The following BOD1L1 variants were observed in gnomAD, a reference collection of about 807,000 sequenced individuals.
The protein encoded by BOD1L1 is biorientation of chromosomes in cell division protein 1-like 1.
Under a neutral mutation model 240.7 loss-of-function variants are expected in BOD1L1, and 86 were observed. The observed-to-expected ratio is 0.36, with a 90% CI of 0.30 to 0.43. BOD1L1 has a LOEUF of 0.43. Ranked by LOEUF, BOD1L1 falls within the 20% of genes least tolerant of loss-of-function variation. The pLI is 1.00. For synonymous variants in BOD1L1, 1,268 were observed against 1,272.3 expected (o/e 1.00, Z 0.07); for missense variants, 3,554 against 3,643.5 (o/e 0.98, Z 0.63).
chr4:13,576,697 T>G (rs1487835096), intron 25 of BOD1L1, 141 bp downstream of exon 25: 1 of 1,148,690 alleles, frequency 8.7e-7, no homozygotes, highest in Non-Finnish European at 1.2e-6. Context: ...ATGTGCCCAC[T>G]GCTAACAATA....
chr4:13,615,837 C>T (rs1017098622), intron 2 of BOD1L1, among the ~76,000 whole-genome samples: 1 of 152,148 alleles, frequency 6.6e-6, no homozygotes, highest in Non-Finnish European at 1.5e-5. Flanking sequence ...CTACTCTGCT[C>T]ATGGCATATA....
rs1006801617 is a variant in BOD1L1, at chr4:13,610,920, C to T, written c.1491+14G>A. 1.3e-6 allele frequency: 2 copies of T among 1,584,446 alleles called. No homozygotes were observed. The highest frequency in any genetic ancestry group is 8.6e-7 in the Non-Finnish European group (1 of 1,167,374). Reference sequence around the variant, plus strand: ...GATGTAGTAGGTTAAAATAACAGAACAAACTGGACTTACAATGGACTGTCG... The same window carrying T: ...GATGTAGTAGGTTAAAATAACAGAATAAACTGGACTTACAATGGACTGTCG... On this transcript the variant is annotated intron_variant, in intron 6 of 25. Coordinates refer to ENST00000040738, the MANE Select transcript of BOD1L1 (RefSeq NM_148894.3).
rs774892439 is a variant in BOD1L1, at chr4:13,603,968, A to C, written c.2932T>G (p.Ser978Ala). ...TGVEPVLETA[S>A]SSAHSTQKDS... ...TTCTGTGTACTATGTGCTGAAGAAG[A>C]AGCAGTCTCTAATACAGGTTCAACA... is the stretch of plus-strand genomic sequence containing the variant. The change falls in exon 10 of 26, where the codon TCT becomes GCT. Residue 978 changes from serine (S) to alanine (A), a missense_variant. Ser to Ala is a moderately conservative substitution (Grantham distance 99). Transcript: ENST00000040738. 64 of 1,613,778 alleles carry C rather than the reference A, an allele frequency of 4.0e-5. No individual in the cohort carries two copies. Among genetic ancestry groups the C allele is most frequent in the Admixed American group, 1.5e-4 (9 of 59,990 alleles).
chr4:13,615,213 G>T, intron 3 of BOD1L1, 99 bp downstream of exon 3: 1 of 1,218,570 alleles, frequency 8.2e-7, no homozygotes, highest in Non-Finnish European at 1.1e-6. Flanking sequence ...CATTGGAATA[G>T]CCAAATTAAA....
intron 25 of BOD1L1, among the ~76,000 whole-genome samples, chr4:13,574,100 C>T (rs1406402238): frequency 6.6e-6 from 1 of 152,154 alleles, no homozygotes; most frequent in Non-Finnish European, 1.5e-5. Context: ...CAAAATTAGA[C>T]AGAAGGTTCT....
At chr4:13,620,637 T>A (rs1471339027) in intron 1 of BOD1L1, among the ~76,000 whole-genome samples, 4 of 152,070 alleles carry the variant, frequency 2.6e-5, no homozygotes, top group Non-Finnish European at 5.9e-5. Flanking sequence ...AGTTTGGAAT[T>A]ACAGGGTAGA....
chr4:13,601,903 G>A lies in BOD1L1; in HGVS notation c.4997C>T (p.Ser1666Phe), dbSNP rs773106850. 4 of 1,613,898 alleles carry A rather than the reference G, an allele frequency of 2.5e-6. No individual in the cohort carries two copies. Among genetic ancestry groups the A allele is most frequent in the Non-Finnish European group, 3.4e-6 (4 of 1,179,880 alleles). The change falls in exon 10 of 26, where the codon TCT (serine) becomes TTT (phenylalanine). Residue 1666 changes from serine (S) to phenylalanine (F), a missense_variant. This residue lies in a region of BOD1L1 where 3,393 missense variants were observed against 3,427.1 expected (regional missense o/e 0.99). Coordinates refer to ENST00000040738, the MANE Select transcript of BOD1L1 (RefSeq NM_148894.3). ...AACTATTTCTGAGTCTCTACTTAAA[G>A]AACCATCACATTTTTCTTCAGAGCC... is the stretch of plus-strand genomic sequence containing the variant. Reference protein sequence around the residue: ...SAGSEEKCDGSLSRDSEIVEG... With the variant: ...SAGSEEKCDGFLSRDSEIVEG...
At chr4:13,609,469 A>T (rs758160571) in intron 6 of BOD1L1, 63 bp from the exon 7 acceptor site, 1 of 1,126,390 alleles carries the variant, frequency 8.9e-7, no homozygotes, top group Non-Finnish European at 1.2e-6. Flanking sequence ...GAAAAATTGT[A>T]TTTTTTTTAA....
In BOD1L1 at chr4:13,601,382, T is replaced by C; in HGVS notation, c.5518A>G (p.Asn1840Asp). The C allele has an allele frequency of 6.2e-7, 1 of 1,614,080 alleles. No homozygotes were observed. The highest frequency in any genetic ancestry group is 8.5e-7 in the Non-Finnish European group (1 of 1,179,912). Reference sequence around the variant, plus strand: ...GGACCAGCAGCAACTAATGGTACATTAGTGCCTTCTTTGGCCACTGTGCTG... The same window carrying C: ...GGACCAGCAGCAACTAATGGTACATCAGTGCCTTCTTTGGCCACTGTGCTG... ...MDSTVAKEGTNVPLVAAGPCD... is the reference protein window; with the variant it reads ...MDSTVAKEGTDVPLVAAGPCD... The change falls in exon 10 of 26, where the codon AAT (asparagine) becomes GAT (aspartate). Residue 1840 changes from asparagine (N) to aspartate (D), a missense_variant. Asn to Asp is a conservative substitution (Grantham distance 23). Transcript: ENST00000040738.
At chr4:13,612,835 A>G (rs1409773131) in intron 5 of BOD1L1, among the ~76,000 whole-genome samples, 3 of 152,194 alleles carry the variant, frequency 2.0e-5, no homozygotes, top group Admixed American at 6.5e-5. Flanking sequence ...GAGATCAGCC[A>G]TATGGGCAGC....
At chr4:13,622,742 A>G (rs967188250) in intron 1 of BOD1L1, among the ~76,000 whole-genome samples, 1 of 152,224 alleles carries the variant, frequency 6.6e-6, no homozygotes, top group Non-Finnish European at 1.5e-5. Flanking sequence ...AAATCAGGTA[A>G]CCATGTAATT....
At chr4:13,618,816 G>C (rs1176056268) in intron 2 of BOD1L1, among the ~76,000 whole-genome samples, 1 of 150,634 alleles carries the variant, frequency 6.6e-6, no homozygotes, top group Non-Finnish European at 1.5e-5. Context: ...GTTCCTATGG[G>C]ACAAAAGGAA....
chr4:13,598,825 A>C (rs1278017475), intron 10 of BOD1L1, 121 bp downstream of exon 10: 1 of 1,076,718 alleles, frequency 9.3e-7, no homozygotes, highest in Non-Finnish European at 1.3e-6. Context: ...TGAGAAAAAA[A>C]TTTATAGATA....
intron 2 of BOD1L1, among the ~76,000 whole-genome samples, chr4:13,616,666 C>T (rs1716619314): frequency 6.6e-6 from 1 of 152,190 alleles, no homozygotes; most frequent in Non-Finnish European, 1.5e-5. Context: ...TTTCCTTACA[C>T]TTTACAAATG....
Position 13,601,320 on chromosome 4 carries a change from T to G in BOD1L1, c.5580A>C (p.Ala1860=). The change falls in exon 10 of 26, where the codon GCA becomes GCC. Residue 1860 remains alanine, a synonymous_variant. Transcript: ENST00000040738. ...CCTCCCCTTCCTCGTCTTCCTCTTT[T>G]GCGCCTGTGCTAGTCACAATGCCTT... ...DDEGIVTSTG[A]KEEDEEGEDV... is the part of the protein sequence containing the mutation. 6.2e-7 allele frequency: 1 copy of G among 1,614,046 alleles called. No individual in the cohort carries two copies. Among genetic ancestry groups the G allele is most frequent in the Non-Finnish European group, 8.5e-7 (1 of 1,179,902 alleles).
intron 2 of BOD1L1, among the ~76,000 whole-genome samples, chr4:13,618,250 A>C (rs1376190544): frequency 6.6e-6 from 1 of 152,232 alleles, no homozygotes; most frequent in Non-Finnish European, 1.5e-5. Flanking sequence ...ATGAAGAAAA[A>C]AAATGCCAGA....
At chr4:13,573,739 G>A (rs893421682) in intron 25 of BOD1L1, among the ~76,000 whole-genome samples, 4 of 152,182 alleles carry the variant, frequency 2.6e-5, no homozygotes, top group African/African-American at 4.8e-5. Flanking sequence ...GGCAAGGCTG[G>A]TCTTGAACAC....
chr4:13,584,945 T>C (rs1488264395), intron 17 of BOD1L1, among the ~76,000 whole-genome samples: 1 of 152,242 alleles, frequency 6.6e-6, no homozygotes, highest in Admixed American at 6.5e-5. Flanking sequence ...CAGCTTTCCA[T>C]GTAACATTCT....
chr4:13,608,101 G>A (rs116516239), intron 8 of BOD1L1, among the ~76,000 whole-genome samples: 204 of 152,284 alleles, frequency 1.3e-3, no homozygotes, highest in African/African-American at 4.7e-3. Flanking sequence ...CCAGATTCTG[G>A]GTTGGGGGAG....
Sources: allele counts gnomAD v4.1 joint callset (sites outside exome capture counted in the v4.1 genomes callset), GRCh38; gene constraint gnomAD v4.1.1; regional missense constraint gnomAD v4.1.1; transcripts MANE v1.5; gene names NCBI Gene and HGNC (gene_info 2026-07-23, HGNC 2026-07-21).